The following RHOBTB1 variants were observed in gnomAD, a reference collection of about 807,000 sequenced individuals.
The protein encoded by RHOBTB1 is Rho related BTB domain containing 1.
Under a neutral mutation model 71.6 loss-of-function variants are expected in RHOBTB1, and 40 were observed. The observed-to-expected ratio is 0.56, with a 90% CI of 0.43 to 0.73. The LOEUF is 0.73. RHOBTB1 is among the 30% of genes least tolerant of loss of function. The pLI, the probability that RHOBTB1 is intolerant of heterozygous loss-of-function variation, is 0.00. For synonymous variants in RHOBTB1, 319 were observed against 334.9 expected, an observed-to-expected ratio of 0.95 and a Z score of 0.52; for missense variants, 797 against 894.0, an observed-to-expected ratio of 0.89 and a Z score of 1.38.
rs1045242604 is a variant in RHOBTB1, at chr10:60,900,278, A to C, written c.297-7283T>G. On this transcript the variant is annotated intron_variant, in intron 4 of 10. Transcript: ENST00000337910. ...AGCAGAGGACCAATTAAGAGGTAAG[A>C]ATTCCGAGAGAGAGGATGGTGACTC... Among the ~76,000 whole-genome samples, 3 of 152,080 alleles carry C rather than the reference A, an allele frequency of 2.0e-5. No homozygotes were observed. In the South Asian group the frequency reaches 6.2e-4, roughly 32 times the overall value.
At chr10:60,915,065 A>T (rs1295621324) in intron 2 of RHOBTB1, among the ~76,000 whole-genome samples, 1 of 152,234 alleles carries the variant, frequency 6.6e-6, no homozygotes, top group African/African-American at 2.4e-5. Flanking sequence ...GGTTCTCTAA[A>T]AAGCATTTTA....
intron 7 of RHOBTB1, among the ~76,000 whole-genome samples, chr10:60,883,010 C>T (rs151144512): frequency 8.5e-5 from 13 of 152,238 alleles, no homozygotes; most frequent in Admixed American, 6.5e-4. Flanking sequence ...CCCCATTTTA[C>T]AGATGAGGAA....
chr10:60,979,865 G>A (rs1229779570), intron 2 of RHOBTB1, among the ~76,000 whole-genome samples: 2 of 152,186 alleles, frequency 1.3e-5, no homozygotes, highest in Non-Finnish European at 2.9e-5. Context: ...AGAGCAGGTC[G>A]TGGATGTGTG....
At chr10:60,873,642 C>A (rs1257185385) in intron 9 of RHOBTB1, among the ~76,000 whole-genome samples, 1 of 152,224 alleles carries the variant, frequency 6.6e-6, no homozygotes, top group Non-Finnish European at 1.5e-5. Context: ...GGAATACTTG[C>A]TGGAGAGAGT....
the RHOBTB1 span, among the ~76,000 whole-genome samples, chr10:60,861,812 A>G: frequency 6.0e-3 from 911 of 152,312 alleles, 4 homozygotes; most frequent in Non-Finnish European, 0.01. Flanking sequence ...ATAAGTTCAA[A>G]TGTTTACTCT....
At chr10:60,876,134 G>A (rs1232910858) in intron 8 of RHOBTB1, among the ~76,000 whole-genome samples, 1 of 152,112 alleles carries the variant, frequency 6.6e-6, no homozygotes, top group East Asian at 1.9e-4. Flanking sequence ...AGTCATCTGG[G>A]CTTTGCCGTT....
chr10:60,860,931 C>T, the RHOBTB1 span, among the ~76,000 whole-genome samples: 3 of 152,142 alleles, frequency 2.0e-5, no homozygotes, highest in Non-Finnish European at 2.9e-5. Context: ...CTCTGTGAGG[C>T]CAAAGACTGA....
At chr10:60,890,925 C>T (rs2081885947) in intron 5 of RHOBTB1, among the ~76,000 whole-genome samples, 1 of 152,210 alleles carries the variant, frequency 6.6e-6, no homozygotes, top group Non-Finnish European at 1.5e-5. Context: ...TTCACAAAAT[C>T]TTCTTAGAAT....
At chr10:60,885,529 A>G (rs12247875) in intron 7 of RHOBTB1, among the ~76,000 whole-genome samples, 6,258 of 152,204 alleles carry the variant, frequency 0.041, 422 homozygotes, top group African/African-American at 0.14. Flanking sequence ...TATCCCCTCA[A>G]CACAGGCAGA....
chr10:60,911,395 C>T lies in RHOBTB1; in HGVS notation c.148G>A (p.Val50Met), dbSNP rs1282275553. ...LTQYQLLATH[V>M]PTVWAIDQYR... ...TGGTCAATCGCCCACACTGTTGGCA[C>T]GTGGGTGGCCAGCAGCTGATACTGC... The change falls in exon 3 of 11, where the codon GTG becomes ATG. Residue 50 changes from valine (V) to methionine (M), a missense_variant. Val to Met is a conservative substitution (Grantham distance 21, BLOSUM62 1). Around this residue, in one of 2 missense-constraint regions of RHOBTB1, gnomAD observed 139 missense variants for 212.5 expected, o/e 0.65. Coordinates refer to ENST00000337910, the MANE Select transcript of RHOBTB1 (RefSeq NM_014836.5). The T allele has an allele frequency of 6.8e-6, 11 of 1,613,972 alleles. No individual in the cohort carries two copies. The highest frequency in any genetic ancestry group is 9.3e-6 in the Non-Finnish European group (11 of 1,179,984).
chr10:60,920,664 G>A (rs928834905), intron 2 of RHOBTB1, among the ~76,000 whole-genome samples: 1 of 138,622 alleles, frequency 7.2e-6, no homozygotes, highest in East Asian at 2.1e-4. Context: ...GTTTTGTTTT[G>A]TTTTGAGTCA....
chr10:60,879,128 T>A (rs1168048346), intron 7 of RHOBTB1, among the ~76,000 whole-genome samples: 1 of 152,200 alleles, frequency 6.6e-6, no homozygotes, highest in African/African-American at 2.4e-5. Flanking sequence ...TTAAATCTTG[T>A]GTCCAAGGTC....
the RHOBTB1 span, among the ~76,000 whole-genome samples, chr10:60,861,222 C>G: frequency 6.6e-6 from 1 of 152,162 alleles, no homozygotes; most frequent in Non-Finnish European, 1.5e-5. Context: ...CTGTTTGAAC[C>G]TCAGTAAGAT....
At chr10:60,950,284 GA>G (rs1364756236) in intron 2 of RHOBTB1, among the ~76,000 whole-genome samples, 1 of 152,056 alleles carries the variant, frequency 6.6e-6, no homozygotes, top group Non-Finnish European at 1.5e-5. Flanking sequence ...TTTTGTACTG[GA>G]AAAAATCTAC....
At chr10:60,934,634 G>C (rs2084465042) in intron 2 of RHOBTB1, among the ~76,000 whole-genome samples, 1 of 152,138 alleles carries the variant, frequency 6.6e-6, no homozygotes. Flanking sequence ...TACACAAAGG[G>C]AAACAAGTTC....
chr10:60,968,195 CT>C (rs1347694619), intron 2 of RHOBTB1, among the ~76,000 whole-genome samples: 1 of 152,124 alleles, frequency 6.6e-6, no homozygotes, highest in Non-Finnish European at 1.5e-5. Flanking sequence ...CTCAATGTGT[CT>C]CTGGAGAAAT....
chr10:60,949,502 C>G (rs1177047815), intron 2 of RHOBTB1, among the ~76,000 whole-genome samples: 2 of 152,170 alleles, frequency 1.3e-5, no homozygotes, highest in Non-Finnish European at 2.9e-5. Flanking sequence ...ATCTCTAAAG[C>G]TCCTATTTTC....
intron 1 of RHOBTB1, among the ~76,000 whole-genome samples, chr10:60,994,410 G>T (rs911280644): frequency 6.6e-6 from 1 of 152,170 alleles, no homozygotes; most frequent in Admixed American, 6.5e-5. Flanking sequence ...AGCACCATCT[G>T]AGGGAAGAAT....
At chr10:60,924,292 A>G (rs1429677293) in intron 2 of RHOBTB1, among the ~76,000 whole-genome samples, 1 of 152,144 alleles carries the variant, frequency 6.6e-6, no homozygotes, top group Non-Finnish European at 1.5e-5. Flanking sequence ...AACATGTAAC[A>G]GAGACTTAAG....
Sources: allele counts gnomAD v4.1 joint callset (sites outside exome capture counted in the v4.1 genomes callset), GRCh38; gene constraint gnomAD v4.1.1; regional missense constraint gnomAD v4.1.1; transcripts MANE v1.5; gene names NCBI Gene and HGNC (gene_info 2026-07-23, HGNC 2026-07-21).